CHIC2: variants seen among roughly 807,000 people sequenced by gnomAD.
CHIC2 encodes cysteine-rich hydrophobic domain-containing protein 2.
In CHIC2, 14 loss-of-function variants were observed where a neutral mutation model predicts 25.9. The observed-to-expected ratio is 0.54, with a 90% confidence interval of 0.36 to 0.85. The LOEUF is 0.85. Ranked by LOEUF, CHIC2 falls within the 40% of genes least tolerant of loss-of-function variation. The probability of loss-of-function intolerance (pLI) is 0.01; values close to 1 mark genes in which losing one functional copy is unlikely to be tolerated. For synonymous variants in CHIC2, 70 were observed against 72.0 expected, an observed-to-expected ratio of 0.97 and a Z score of 0.14; for missense variants, 146 against 202.0, an observed-to-expected ratio of 0.72 and a Z score of 1.68.
At chr4:54,065,382 T>C, upstream of CHIC2, 2 of 903,876 alleles carry the variant, frequency 2.2e-6, no homozygotes, top group Non-Finnish European at 2.6e-6. Flanking sequence ...TGTTGTTTCC[T>C]TAAAATCTTA....
At chr4:54,027,928 C>T (rs930432719) in intron 3 of CHIC2, among the ~76,000 whole-genome samples, 3 of 152,044 alleles carry the variant, frequency 2.0e-5, no homozygotes, top group Non-Finnish European at 2.9e-5. Flanking sequence ...AAAAGCAAAA[C>T]AGAAGCAAAG....
intron 1 of CHIC2, among the ~76,000 whole-genome samples, chr4:54,057,472 G>C (rs1315792021): frequency 6.6e-6 from 1 of 152,056 alleles, no homozygotes; most frequent in Non-Finnish European, 1.5e-5. Flanking sequence ...CAGATCCAGG[G>C]GCTCCTGACA....
rs765838305 is a variant in CHIC2 at position 54,064,344 on chromosome 4, G to C, written c.-44C>G. 6.2e-7 allele frequency: 1 copy of C among 1,609,920 alleles called. No homozygotes were observed. Among genetic ancestry groups the C allele is most frequent in the Non-Finnish European group, 8.5e-7 (1 of 1,178,034 alleles). ...CCTGCCCAAAGGGCCTGACTCCCGGGGTTGGCGCCGGGGTACCGGCGGGCG... is the reference window on the plus strand; with the variant it reads ...CCTGCCCAAAGGGCCTGACTCCCGGCGTTGGCGCCGGGGTACCGGCGGGCG... On this transcript the variant is annotated 5_prime_UTR_variant, in exon 1 of 6. Transcript: ENST00000263921. The surrounding 1 kb of genome is among the most constrained non-coding windows in gnomAD (Gnocchi z 4.2).
chr4:54,051,805 T>G (rs531567325), intron 1 of CHIC2, among the ~76,000 whole-genome samples: 77 of 152,268 alleles, frequency 5.1e-4, no homozygotes, highest in African/African-American at 1.8e-3. Flanking sequence ...ATGTGAATCC[T>G]TATTTCTTCT....
At chr4:54,014,483 G>C (rs917239185) in intron 3 of CHIC2, among the ~76,000 whole-genome samples, 2 of 151,930 alleles carry the variant, frequency 1.3e-5, no homozygotes, top group South Asian at 4.2e-4. Context: ...TAAAACAAAA[G>C]TAAATATTAG....
chr4:54,070,262 T>G, the CHIC2 span, among the ~76,000 whole-genome samples: 1 of 152,174 alleles, frequency 6.6e-6, no homozygotes, highest in African/African-American at 2.4e-5. Context: ...AGATTGGAGT[T>G]GAGGTCAAAG....
intron 1 of CHIC2, among the ~76,000 whole-genome samples, chr4:54,052,688 C>T (rs899963822): frequency 1.3e-5 from 2 of 152,060 alleles, no homozygotes; most frequent in Non-Finnish European, 2.9e-5. Context: ...ATTCAGTTAT[C>T]TACAAGACTA....
At chr4:54,060,259 T>A (rs914040916) in intron 1 of CHIC2, 3 of 152,290 alleles carry the variant, frequency 2.0e-5, no homozygotes. Flanking sequence ...ATCTTTAATC[T>A]TCCATAACAT....
At chr4:54,015,593 C>T (rs1016978349) in intron 3 of CHIC2, among the ~76,000 whole-genome samples, 7 of 152,136 alleles carry the variant, frequency 4.6e-5, no homozygotes, top group African/African-American at 1.7e-4. Context: ...AAATTGCCAT[C>T]TGAATGCTGA....
the CHIC2 span, among the ~76,000 whole-genome samples, chr4:54,074,332 T>C: frequency 9.9e-5 from 15 of 152,196 alleles, no homozygotes; most frequent in African/African-American, 3.4e-4. Flanking sequence ...CACAAGCACT[T>C]TCTTTTGGCC....
chr4:54,037,065 G>C (rs1404422745), intron 3 of CHIC2, among the ~76,000 whole-genome samples: 1 of 152,074 alleles, frequency 6.6e-6, no homozygotes, highest in Non-Finnish European at 1.5e-5. Context: ...ATCATAGTAA[G>C]TAAAAGAAAA....
chr4:54,023,930 C>T (rs942592735), intron 3 of CHIC2, among the ~76,000 whole-genome samples: 2 of 152,194 alleles, frequency 1.3e-5, no homozygotes, highest in Non-Finnish European at 2.9e-5. Flanking sequence ...TTCTCAAGGC[C>T]GCTTTACTTC....
chr4:54,056,678 C>G (rs1717186390), intron 1 of CHIC2, among the ~76,000 whole-genome samples: 1 of 152,084 alleles, frequency 6.6e-6, no homozygotes, highest in Admixed American at 6.6e-5. Flanking sequence ...CAAGTCCAAC[C>G]AACTCTATCC....
At chr4:54,050,543 C>G (rs544525033) in intron 1 of CHIC2, among the ~76,000 whole-genome samples, 25 of 152,206 alleles carry the variant, frequency 1.6e-4, no homozygotes, top group African/African-American at 6.0e-4. Context: ...ACCTTAAATA[C>G]ATACAGTCAT....
Position 54,029,340 on chromosome 4 carries a change from G to A in CHIC2, c.331-15221C>T, listed in dbSNP as rs115037625. Among the ~76,000 whole-genome samples, 843 of 152,146 alleles carry A rather than the reference G, an allele frequency of 5.5e-3. 10 individuals are homozygous for A. The highest frequency in any genetic ancestry group is 0.019 in the African/African-American group (781 of 41,512). On this transcript the variant is annotated intron_variant, in intron 3 of 5. Coordinates refer to ENST00000263921, the MANE Select transcript of CHIC2 (RefSeq NM_012110.4). ...AACATCCTCTGCACAAGAAAGATCA[G>A]GTTCCTGAAAAACCTCTGGAATAAA...
chr4:54,045,393 A>G (rs1257221677), intron 3 of CHIC2, among the ~76,000 whole-genome samples: 3 of 152,340 alleles, frequency 2.0e-5, no homozygotes, highest in African/African-American at 7.2e-5. Context: ...TGATGCAAAA[A>G]TTCTCAATAA....
chr4:54,073,865 G>A, the CHIC2 span, among the ~76,000 whole-genome samples: 9 of 152,236 alleles, frequency 5.9e-5, no homozygotes, highest in Admixed American at 1.3e-4. Context: ...TTTTAAAGTC[G>A]TAGGTTTTAG....
chr4:54,030,225 A>G (rs1716181579), intron 3 of CHIC2, among the ~76,000 whole-genome samples: 1 of 152,204 alleles, frequency 6.6e-6, no homozygotes, highest in Admixed American at 6.5e-5. Flanking sequence ...TAAAATATTT[A>G]TTACAATGAT....
the CHIC2 span, among the ~76,000 whole-genome samples, chr4:54,084,370 C>T: frequency 6.6e-6 from 1 of 152,024 alleles, no homozygotes; most frequent in Admixed American, 6.5e-5. Flanking sequence ...TTGTTGACAG[C>T]TAAGTACACT....
Sources: gnomAD v4.1 joint callset for allele counts (sites outside exome capture counted in the v4.1 genomes callset) on GRCh38, gnomAD v4.1.1 for gene constraint, Gnocchi (gnomAD v3.1) non-coding constraint, MANE v1.5 for transcripts, NCBI Gene and HGNC (gene_info 2026-07-23, HGNC 2026-07-21) for gene names.